Variants in GPATCH1 observed in about 807,000 individuals in gnomAD.
The protein encoded by GPATCH1 is G-patch domain containing 1.
A neutral mutation model predicts 114.9 loss-of-function variants in GPATCH1; 73 were observed. That is an observed-to-expected ratio of 0.64 (90% confidence interval 0.53 to 0.77). The LOEUF (loss-of-function observed/expected upper bound fraction) is 0.77. GPATCH1 is among the 30% of genes least tolerant of loss of function. The pLI is 0.00. For synonymous variants in GPATCH1, 391 were observed against 428.4 expected (o/e 0.91, Z 1.08); for missense variants, 1,058 against 1,144.3 (o/e 0.92, Z 1.09).
chr19:33,107,626 C>T (rs948748788), intron 10 of GPATCH1, among the ~76,000 whole-genome samples: 2 of 152,058 alleles, frequency 1.3e-5, no homozygotes, highest in Non-Finnish European at 2.9e-5. Flanking sequence ...AAAGTCCCAC[C>T]ATGAGAGGTG....
intron 10 of GPATCH1, among the ~76,000 whole-genome samples, chr19:33,108,785 T>A (rs750538902): frequency 2.6e-5 from 4 of 152,178 alleles, no homozygotes; most frequent in Non-Finnish European, 5.9e-5. Context: ...GGTGAGGGCT[T>A]GCTGGGGAGC....
rs773462210 is a variant in GPATCH1, at chr19:33,106,902, A to G, written c.1285+3A>G. On this transcript the variant is annotated splice_donor_region_variant and intron_variant, in intron 10 of 19. Coordinates refer to ENST00000170564, the MANE Select transcript of GPATCH1 (RefSeq NM_018025.3). ...GCTTGGAGAGACGCCTATTCAAGGT[A>G]TGTGCCATGGAGAAGACGGAAATCA... 2.5e-6 allele frequency: 4 copies of G among 1,605,220 alleles called. No individual in the cohort carries two copies. In the South Asian group the frequency reaches 3.3e-5, roughly 13 times the overall value.
intron 7 of GPATCH1, 134 bp from the exon 8 acceptor site, chr19:33,097,621 C>T (rs1316917142): frequency 7.7e-6 from 6 of 780,714 alleles, no homozygotes; most frequent in Non-Finnish European, 1.1e-5. Context: ...ATCTGGGACC[C>T]CCGTTCACTT....
intron 19 of GPATCH1, among the ~76,000 whole-genome samples, chr19:33,129,249 A>T (rs1682241337): frequency 6.6e-6 from 1 of 151,842 alleles, no homozygotes; most frequent in African/African-American, 2.4e-5. Flanking sequence ...TCTCAAAAAA[A>T]AAAAAAGAAA....
At chr19:33,120,269 A>AAATTATATATAAAAATTATAT (rs1346301545) in intron 17 of GPATCH1, among the ~76,000 whole-genome samples, 28 of 68,456 alleles carry the variant, frequency 4.1e-4, no homozygotes, top group African/African-American at 3.3e-3. Context: ...TTTTATATAT[A>AAATTATATATAAAAATTATAT]ACAATTATAT....
chr19:33,118,988 TGA>T lies in GPATCH1; in HGVS notation c.2414-21_2414-20del. 6.8e-7 allele frequency: 1 copy of T among 1,471,676 alleles called. No individual in the cohort carries two copies. Among genetic ancestry groups the T allele is most frequent in the Non-Finnish European group, 9.4e-7 (1 of 1,060,016 alleles). The allele number at this position is 1,471,676 out of a possible 1,614,324, so 91.2% of individuals were successfully genotyped here. A position where few individuals can be genotyped will look rare whatever the true frequency, so the allele number is the denominator to read the frequency against. On this transcript the variant is annotated intron_variant, in intron 16 of 19. Coordinates refer to ENST00000170564, the MANE Select transcript of GPATCH1 (RefSeq NM_018025.3). Reference sequence around the variant, plus strand: ...ATTAACATGGGGCAGACGAATGACATGAACACCCCGCTGTTTTTCAGCTCTTG... The same window carrying T: ...ATTAACATGGGGCAGACGAATGACATACACCCCGCTGTTTTTCAGCTCTTG...
chr19:33,111,196 T>G (rs1972848029), intron 11 of GPATCH1, among the ~76,000 whole-genome samples: 1 of 151,174 alleles, frequency 6.6e-6, no homozygotes, highest in Admixed American at 6.6e-5. Flanking sequence ...CCACGCCTGG[T>G]AATTTTTTGT....
intron 17 of GPATCH1, among the ~76,000 whole-genome samples, chr19:33,120,039 T>C (rs1352423186): frequency 7.2e-6 from 1 of 138,304 alleles, no homozygotes; most frequent in African/African-American, 2.6e-5. Flanking sequence ...TTTATATATT[T>C]ATATTTTATA....
chr19:33,117,739 T>C, intron 15 of GPATCH1, 86 bp from the exon 16 acceptor site: 1 of 894,122 alleles, frequency 1.1e-6, no homozygotes, highest in East Asian at 2.4e-5. Flanking sequence ...AACATAAATA[T>C]GTGTGTCTGG....
At chr19:33,094,298 C>G in intron 5 of GPATCH1, 29 bp downstream of exon 5, 1 of 1,149,868 alleles carries the variant, frequency 8.7e-7, no homozygotes, top group Non-Finnish European at 1.3e-6. Flanking sequence ...TAACTGTTAT[C>G]ACTGCTGCAG....
chr19:33,116,021 T>G (rs1174991396), intron 15 of GPATCH1, among the ~76,000 whole-genome samples: 1 of 152,094 alleles, frequency 6.6e-6, no homozygotes, highest in Admixed American at 6.6e-5. Context: ...ATTTTTCTAT[T>G]TTTTTTCTCT....
At chr19:33,086,477 T>A (rs986049103) in intron 1 of GPATCH1, among the ~76,000 whole-genome samples, 9 of 152,026 alleles carry the variant, frequency 5.9e-5, no homozygotes, top group Non-Finnish European at 1.2e-4. Context: ...ATTTTTTTTC[T>A]TTTTTTGAGA....
intron 18 of GPATCH1, 149 bp downstream of exon 18, chr19:33,125,351 C>A: frequency 2.3e-6 from 2 of 858,878 alleles, no homozygotes; most frequent in Non-Finnish European, 1.7e-6. Context: ...ACATTCAATT[C>A]AAATGCTTGA....
At chr19:33,084,605 C>G (rs1317179861) in intron 1 of GPATCH1, among the ~76,000 whole-genome samples, 1 of 152,076 alleles carries the variant, frequency 6.6e-6, no homozygotes, top group Non-Finnish European at 1.5e-5. Context: ...TCCGCTCATT[C>G]CTTGGCCTCC....
At chr19:33,128,072 A>G (rs533835388) in intron 19 of GPATCH1, among the ~76,000 whole-genome samples, 106 of 151,792 alleles carry the variant, frequency 7.0e-4, no homozygotes, top group Middle Eastern at 3.4e-3. Flanking sequence ...TATATAGCAT[A>G]TATTTATAGG....
In GPATCH1 at chr19:33,125,080, T is replaced by C. The variant is rs1169915881; in HGVS notation, c.2522-25T>C. 3 of 1,578,506 alleles carry C rather than the reference T, an allele frequency of 1.9e-6. No homozygotes were observed. The East Asian group carries it at 7.1e-5, about 37-fold the overall frequency. ...CTTTGTTTTCGTGCTATATAGGTCC[T>C]GTGTTTATTACCTTTGTGTTTCAGA... On this transcript the variant is annotated intron_variant, in intron 17 of 19. Transcript: ENST00000170564.
At chr19:33,103,034 C>A (rs1488560100) in intron 9 of GPATCH1, among the ~76,000 whole-genome samples, 1 of 152,180 alleles carries the variant, frequency 6.6e-6, no homozygotes, top group Non-Finnish European at 1.5e-5. Context: ...GGCCACATGG[C>A]GCTCTTCCTG....
intron 9 of GPATCH1, among the ~76,000 whole-genome samples, chr19:33,101,886 G>A (rs563692231): frequency 4.9e-4 from 74 of 151,616 alleles, no homozygotes; most frequent in Middle Eastern, 3.4e-3. Flanking sequence ...AAAATTAGCC[G>A]CACGTGGTGT....
intron 2 of GPATCH1, among the ~76,000 whole-genome samples, chr19:33,089,049 T>C (rs1972566331): frequency 6.6e-6 from 1 of 152,228 alleles, no homozygotes. Flanking sequence ...TGCAACCTTA[T>C]GGTTAAAGAG....
Sources: allele counts gnomAD v4.1 joint callset (sites outside exome capture counted in the v4.1 genomes callset), GRCh38; gene constraint gnomAD v4.1.1; transcripts MANE v1.5; gene names NCBI Gene and HGNC (gene_info 2026-07-23, HGNC 2026-07-21).